Variants in MECOM observed in about 807,000 individuals in gnomAD.
MECOM encodes MDS1 and EVI1 complex locus, also known as histone-lysine N-methyltransferase MECOM.
MECOM carries 13 observed loss-of-function variants against 116.3 expected under a neutral mutation model. The ratio of observed to expected loss-of-function variants is 0.11; its 90% CI spans 0.07 to 0.18. The LOEUF (loss-of-function observed/expected upper bound fraction) is 0.18. Among genes scored for constraint, MECOM ranks in the 10% least tolerant of loss-of-function variants. The pLI is 1.00. For missense variants in MECOM, 1,299 were observed against 1,509.0 expected (o/e 0.86, Z 2.31); for synonymous variants, 528 against 535.2 (o/e 0.99, Z 0.19).
intron 2 of MECOM, among the ~76,000 whole-genome samples, chr3:169,201,494 C>A (rs1749147705): frequency 6.6e-6 from 1 of 152,020 alleles, no homozygotes; most frequent in Admixed American, 6.6e-5. Flanking sequence ...GGAACCACTT[C>A]CCATACCCTC....
intron 1 of MECOM, among the ~76,000 whole-genome samples, chr3:169,475,498 G>A (rs12488572): frequency 0.044 from 6,620 of 152,128 alleles, 458 homozygotes; most frequent in East Asian, 0.2. Context: ...CCAGGAATAC[G>A]GGCTGCCCTT....
At chr3:169,269,986 G>GTT (rs1758739885) in intron 2 of MECOM, among the ~76,000 whole-genome samples, 1 of 152,094 alleles carries the variant, frequency 6.6e-6, no homozygotes, top group Non-Finnish European at 1.5e-5. Context: ...GTGTGTGTGT[G>GTT]TGTGTAGGTA....
intron 1 of MECOM, among the ~76,000 whole-genome samples, chr3:169,558,141 G>A (rs532796157): frequency 2.0e-5 from 3 of 152,230 alleles, no homozygotes; most frequent in Admixed American, 6.5e-5. Context: ...GATTCACCAC[G>A]GTGAATGATT....
intron 2 of MECOM, among the ~76,000 whole-genome samples, chr3:169,254,122 T>C: frequency 6.6e-6 from 1 of 152,144 alleles, no homozygotes; most frequent in Non-Finnish European, 1.5e-5. Flanking sequence ...TTATAAGACT[T>C]AGCATATTGT....
chr3:169,382,049 T>TTCTCTATA (rs1250489227), intron 1 of MECOM, among the ~76,000 whole-genome samples: 1 of 152,216 alleles, frequency 6.6e-6, no homozygotes, highest in African/African-American at 2.4e-5. Context: ...TGTTTTTTCT[T>TTCTCTATA]TCTCTATATT....
intron 1 of MECOM, among the ~76,000 whole-genome samples, chr3:169,405,201 T>C (rs1280667499): frequency 6.6e-6 from 1 of 152,114 alleles, no homozygotes; most frequent in African/African-American, 2.4e-5. Flanking sequence ...TCTCTCTCTC[T>C]CTCTGTCTCT....
intron 1 of MECOM, among the ~76,000 whole-genome samples, chr3:169,466,660 A>G (rs1748357446): frequency 1.3e-5 from 2 of 152,152 alleles, no homozygotes; most frequent in African/African-American, 4.8e-5. Context: ...ATAAAGAAAG[A>G]AAAGAAACAT....
intron 2 of MECOM, among the ~76,000 whole-genome samples, chr3:169,177,954 A>G (rs1745411362): frequency 2.0e-5 from 3 of 151,992 alleles, no homozygotes; most frequent in Non-Finnish European, 4.4e-5. Flanking sequence ...AAAAAGAGAA[A>G]AAGAATGTGG....
intron 2 of MECOM, among the ~76,000 whole-genome samples, chr3:169,178,980 A>G (rs1287727012): frequency 2.0e-5 from 3 of 152,238 alleles, no homozygotes; most frequent in African/African-American, 7.2e-5. Context: ...TCAATTTTTA[A>G]TATACTACGC....
intron 2 of MECOM, among the ~76,000 whole-genome samples, chr3:169,357,672 T>C (rs1391239572): frequency 6.6e-6 from 1 of 151,768 alleles, no homozygotes; most frequent in African/African-American, 2.4e-5. Context: ...GATGGTCAAA[T>C]CCTATGAATA....
In MECOM at chr3:169,352,060, A is replaced by G. The variant is rs535724364; in HGVS notation, c.375+29127T>C. Among the ~76,000 whole-genome samples, 7 of 152,072 alleles carry G rather than the reference A, an allele frequency of 4.6e-5. No individual in the cohort carries two copies. The East Asian group carries it at 7.8e-4, about 17-fold the overall frequency. ...TTCTAGAAATTGTTTTGTGGAGGCC[A>G]ACTACAGAACTAAGTAAAAGTGATG... On this transcript the variant is annotated intron_variant, in intron 2 of 16. Coordinates refer to ENST00000651503, the MANE Select transcript of MECOM (RefSeq NM_004991.4).
At chr3:169,310,268 T>C (rs1040496103) in intron 2 of MECOM, among the ~76,000 whole-genome samples, 6 of 152,230 alleles carry the variant, frequency 3.9e-5, no homozygotes, top group African/African-American at 1.2e-4. Flanking sequence ...TGAGCACCTA[T>C]TATATGTGAT....
chr3:169,593,544 A>G (rs541788970), intron 1 of MECOM, among the ~76,000 whole-genome samples: 7 of 152,280 alleles, frequency 4.6e-5, no homozygotes, highest in South Asian at 2.1e-4. Flanking sequence ...ATTGATAAAA[A>G]TTCAGATTCC....
intron 1 of MECOM, among the ~76,000 whole-genome samples, chr3:169,614,213 A>G (rs1254049955): frequency 6.7e-6 from 1 of 150,186 alleles, no homozygotes; most frequent in East Asian, 1.9e-4. Context: ...ACTCAGAATG[A>G]CTCCAGGATA....
chr3:169,266,363 T>C (rs1178429506), intron 2 of MECOM, among the ~76,000 whole-genome samples: 5 of 152,226 alleles, frequency 3.3e-5, no homozygotes, highest in Non-Finnish European at 7.3e-5. Context: ...AAGTTCTAAG[T>C]TACTTAACAT....
intron 1 of MECOM, among the ~76,000 whole-genome samples, chr3:169,473,609 A>G (rs993256067): frequency 3.3e-5 from 5 of 152,020 alleles, no homozygotes. Context: ...TCTCTACTAA[A>G]AATACAAAAA....
intron 1 of MECOM, among the ~76,000 whole-genome samples, chr3:169,385,604 C>T (rs1460630367): frequency 1.3e-5 from 2 of 152,260 alleles, no homozygotes; most frequent in East Asian, 3.9e-4. Flanking sequence ...ACAGCAAATG[C>T]AGTTTATCAC....
At chr3:169,274,181 G>A (rs963789675) in intron 2 of MECOM, among the ~76,000 whole-genome samples, 3 of 151,988 alleles carry the variant, frequency 2.0e-5, no homozygotes, top group Admixed American at 6.6e-5. Flanking sequence ...CAAAGTGCTG[G>A]GATTACAGGC....
At chr3:169,515,853 C>T (rs1023140021) in intron 1 of MECOM, among the ~76,000 whole-genome samples, 18 of 152,160 alleles carry the variant, frequency 1.2e-4, no homozygotes, top group African/African-American at 3.9e-4. Flanking sequence ...CATGTATTAA[C>T]ATTGCATAGT....
Sources: gnomAD v4.1 joint callset for allele counts (sites outside exome capture counted in the v4.1 genomes callset) on GRCh38, gnomAD v4.1.1 for gene constraint, MANE v1.5 for transcripts, NCBI Gene and HGNC (gene_info 2026-07-23, HGNC 2026-07-21) for gene names.